NEMP2: variants seen among roughly 807,000 people sequenced by gnomAD.
NEMP2 encodes UPF0571 transmembrane protein.
In NEMP2, 53 loss-of-function variants were observed where a neutral mutation model predicts 54.2. The ratio of observed to expected loss-of-function variants is 0.98; its 90% CI spans 0.78 to 1.23. NEMP2 has a LOEUF of 1.23. Among genes scored for constraint, NEMP2 ranks in the 50% most tolerant of loss-of-function variants. The pLI is 0.00. For missense variants in NEMP2, 455 were observed against 511.3 expected (o/e 0.89, Z 1.06); for synonymous variants, 197 against 190.3 (o/e 1.04, Z -0.29).
the NEMP2 span, among the ~76,000 whole-genome samples, chr2:190,467,966 T>C: frequency 1.3e-5 from 2 of 152,340 alleles, no homozygotes; most frequent in African/African-American, 4.8e-5. The surrounding 1 kb of genome is among the most constrained non-coding windows in gnomAD (Gnocchi z 5.5). Context: ...TGGTCCTTTA[T>C]AGAAAAGTGT....
chr2:190,547,867 G>A, the NEMP2 span, among the ~76,000 whole-genome samples: 1 of 152,064 alleles, frequency 6.6e-6, no homozygotes, highest in South Asian at 2.1e-4. This position sits in a 1 kb window ranked among gnomAD's most constrained non-coding sequence, Gnocchi z 6.2. Flanking sequence ...AATAAAATAA[G>A]AAAAATTCGA....
chr2:190,598,258 G>C, the NEMP2 span, among the ~76,000 whole-genome samples: 1 of 152,214 alleles, frequency 6.6e-6, no homozygotes, highest in African/African-American at 2.4e-5. Flanking sequence ...CCTTTAGTGA[G>C]AGGGAAGAGA....
downstream of NEMP2, among the ~76,000 whole-genome samples, chr2:190,499,618 TG>T (rs1446352441): frequency 6.6e-6 from 1 of 152,266 alleles, no homozygotes; most frequent in Non-Finnish European, 1.5e-5. This position sits in a 1 kb window ranked among gnomAD's most constrained non-coding sequence, Gnocchi z 6.0. Context: ...AAGTGTCTTC[TG>T]GCTCTTGGAT....
At chr2:190,475,159 C>T in the NEMP2 span, among the ~76,000 whole-genome samples, 3 of 152,160 alleles carry the variant, frequency 2.0e-5, no homozygotes, top group African/African-American at 7.2e-5. Flanking sequence ...TGACACAAGA[C>T]AGGGATGCCC....
At chr2:190,432,647 C>T in the NEMP2 span, among the ~76,000 whole-genome samples, 1 of 152,140 alleles carries the variant, frequency 6.6e-6, no homozygotes, top group East Asian at 1.9e-4. Context: ...GAACTCCTGA[C>T]CTCAAATGAT....
the NEMP2 span, among the ~76,000 whole-genome samples, chr2:190,444,314 A>C: frequency 6.6e-6 from 1 of 152,226 alleles, no homozygotes; most frequent in Non-Finnish European, 1.5e-5. Context: ...ATTCTTGGTC[A>C]TGGCCCAGTT....
chr2:190,421,498 A>T, the NEMP2 span, among the ~76,000 whole-genome samples: 1 of 97,444 alleles, frequency 1.0e-5, no homozygotes, highest in African/African-American at 3.8e-5. Context: ...TTACAAGGTT[A>T]CAAACCAAAA....
At chr2:190,622,017 G>A in the NEMP2 span, among the ~76,000 whole-genome samples, 4 of 152,224 alleles carry the variant, frequency 2.6e-5, no homozygotes, top group African/African-American at 7.2e-5. Flanking sequence ...TGAGGCAGGA[G>A]AATCACTTGA....
rs1262866165 is a variant in NEMP2 at position 190,514,697 on chromosome 2, T to C, written c.728-19A>G. On this transcript the variant is annotated intron_variant, in intron 6 of 8. Transcript: ENST00000409150. This position sits in a 1 kb window ranked among gnomAD's most constrained non-coding sequence, Gnocchi z 5.7. Reference sequence around the variant, plus strand: ...ACATAGCCTGGAAAAGTGGAAGAGGTAAAATAATATAAATTTGAATTTGAG... The same window carrying C: ...ACATAGCCTGGAAAAGTGGAAGAGGCAAAATAATATAAATTTGAATTTGAG... The C allele has an allele frequency of 1.9e-6, 3 of 1,541,412 alleles. No homozygotes were observed. The highest frequency in any genetic ancestry group is 2.6e-6 in the Non-Finnish European group (3 of 1,138,338).
rs1690284795 is a variant in NEMP2, at chr2:190,509,600, T to C, written c.1131-288A>G. Among the ~76,000 whole-genome samples the C allele has an allele frequency of 6.6e-6, 1 of 152,256 alleles. No individual in the cohort carries two copies. The highest frequency in any genetic ancestry group is 1.5e-5 in the Non-Finnish European group (1 of 68,040). ...TTCTTGTCTCTATTTTTTATTAGTT[T>C]GAATTTATTATTATTCATTATTTTG... On this transcript the variant is annotated intron_variant, in intron 8 of 8. Transcript: ENST00000409150. This position sits in a 1 kb window ranked among gnomAD's most constrained non-coding sequence, Gnocchi z 6.1.
At chr2:190,616,360 G>A in the NEMP2 span, among the ~76,000 whole-genome samples, 3 of 152,192 alleles carry the variant, frequency 2.0e-5, no homozygotes, top group South Asian at 6.2e-4. This position sits in a 1 kb window ranked among gnomAD's most constrained non-coding sequence, Gnocchi z 5.1. Context: ...AATTGACCTC[G>A]GTTTTAGATG....
chr2:190,474,523 T>C, the NEMP2 span, among the ~76,000 whole-genome samples: 1 of 152,140 alleles, frequency 6.6e-6, no homozygotes, highest in Non-Finnish European at 1.5e-5. Flanking sequence ...CAGGAAGAAG[T>C]TGAATCTCTG....
the NEMP2 span, among the ~76,000 whole-genome samples, chr2:190,631,295 T>C: frequency 6.6e-6 from 1 of 152,160 alleles, no homozygotes; most frequent in Non-Finnish European, 1.5e-5. Flanking sequence ...GCTGGTTGTG[T>C]GGAATGGGCC....
the NEMP2 span, among the ~76,000 whole-genome samples, chr2:190,456,234 C>G: frequency 2.6e-5 from 4 of 152,144 alleles, no homozygotes; most frequent in Non-Finnish European, 5.9e-5. The surrounding 1 kb of genome is among the most constrained non-coding windows in gnomAD (Gnocchi z 5.4). Context: ...AGCCACCATG[C>G]CTGGCCTGCT....
chr2:190,447,316 G>A, the NEMP2 span, among the ~76,000 whole-genome samples: 1 of 152,286 alleles, frequency 6.6e-6, no homozygotes, highest in Non-Finnish European at 1.5e-5. This position sits in a 1 kb window ranked among gnomAD's most constrained non-coding sequence, Gnocchi z 4.5. Context: ...ATGAGTGATT[G>A]AGCGAAACTG....
chr2:190,423,295 A>G, the NEMP2 span, among the ~76,000 whole-genome samples: 1 of 151,570 alleles, frequency 6.6e-6, no homozygotes, highest in South Asian at 2.1e-4. This position sits in a 1 kb window ranked among gnomAD's most constrained non-coding sequence, Gnocchi z 4.3. Flanking sequence ...TCCTGTCCCC[A>G]CTCTCTAGTG....
chr2:190,445,507 T>C, the NEMP2 span, among the ~76,000 whole-genome samples: 1 of 151,844 alleles, frequency 6.6e-6, no homozygotes, highest in Non-Finnish European at 1.5e-5. Flanking sequence ...GAATTTTTTT[T>C]TTCTGACTCT....
At chr2:190,429,251 T>A in the NEMP2 span, among the ~76,000 whole-genome samples, 1 of 152,058 alleles carries the variant, frequency 6.6e-6, no homozygotes, top group Non-Finnish European at 1.5e-5. Flanking sequence ...TGTGTGTGTA[T>A]ACATATATCA....
Position 190,529,141 on chromosome 2 carries a change from C to G in NEMP2, c.98-3763G>C, listed in dbSNP as rs1384302647. ...GCAGTGAGCTGAGATCACACCACTG[C>G]ACTCCAGCCTGGGCGACAGAGTGAG... On this transcript the variant is annotated intron_variant, in intron 1 of 8. Transcript: ENST00000409150. This position sits in a 1 kb window ranked among gnomAD's most constrained non-coding sequence, Gnocchi z 4.7. Among the ~76,000 whole-genome samples the G allele has an allele frequency of 6.6e-6, 1 of 152,170 alleles. No homozygotes were observed. The highest frequency in any genetic ancestry group is 1.5e-5 in the Non-Finnish European group (1 of 68,022).
Sources: allele counts gnomAD v4.1 joint callset (sites outside exome capture counted in the v4.1 genomes callset), GRCh38; gene constraint gnomAD v4.1.1; non-coding constraint Gnocchi (gnomAD v3.1); transcripts MANE v1.5; gene names NCBI Gene and HGNC (gene_info 2026-07-23, HGNC 2026-07-21).